PDPK1: variants seen among roughly 807,000 people sequenced by gnomAD.
The protein encoded by PDPK1 is 3-phosphoinositide-dependent protein kinase 1.
PDPK1 carries 7 observed loss-of-function variants against 39.8 expected under a neutral mutation model. That is an observed-to-expected ratio of 0.18 (90% confidence interval 0.10 to 0.33). PDPK1 has a LOEUF of 0.33. Ranked by LOEUF, PDPK1 falls within the 10% of genes least tolerant of loss-of-function variation. The probability of loss-of-function intolerance (pLI) is 1.00; values close to 1 mark genes in which losing one functional copy is unlikely to be tolerated. For missense variants in PDPK1, 182 were observed against 384.7 expected (o/e 0.47, Z 4.41); for synonymous variants, 118 against 159.1 (o/e 0.74, Z 1.95).
In PDPK1 at chr16:2,545,837, G is replaced by A. The variant is rs1225318694; in HGVS notation, c.24+7701G>A. Among the ~76,000 whole-genome samples the A allele has an allele frequency of 1.1e-4, 17 of 152,204 alleles. No homozygotes were observed. The East Asian group carries it at 2.7e-3, about 24-fold the overall frequency. On this transcript the variant is annotated intron_variant, in intron 1 of 13. Coordinates refer to ENST00000342085, the MANE Select transcript of PDPK1 (RefSeq NM_002613.5). ...AAATTTTTTGTACAGATGGGGTCTCGCTTTGTTGCCCAGGCTGGTCTTGGA... is the reference window on the plus strand; with the variant it reads ...AAATTTTTTGTACAGATGGGGTCTCACTTTGTTGCCCAGGCTGGTCTTGGA...
chr16:2,597,336 G>T lies in PDPK1; in HGVS notation c.1554+61G>T. The T allele has an allele frequency of 7.0e-7, 1 of 1,435,602 alleles. No individual in the cohort carries two copies. The highest frequency in any genetic ancestry group is 9.5e-7 in the Non-Finnish European group (1 of 1,049,770). The allele number at this position is 1,435,602 out of a possible 1,614,324, so 88.9% of individuals were successfully genotyped here. On this transcript the variant is annotated intron_variant, in intron 13 of 13. Coordinates refer to ENST00000342085, the MANE Select transcript of PDPK1 (RefSeq NM_002613.5). This position sits in a 1 kb window ranked among gnomAD's most constrained non-coding sequence, Gnocchi z 6.3. ...AATGGGAGGGCTTTGCACCACGTGG[G>T]AAGCAGCCACAGGCCTTGGCCAGAG...
At chr16:2,546,347 G>T (rs1009094775) in intron 1 of PDPK1, among the ~76,000 whole-genome samples, 1 of 140,260 alleles carries the variant, frequency 7.1e-6, no homozygotes, top group African/African-American at 2.7e-5. Flanking sequence ...CTCCCAAAGT[G>T]CTTTGAGACA....
rs772526478 is a variant in PDPK1 at position 2,597,614 on chromosome 16, C to T, written c.1555-37C>T. The T allele has an allele frequency of 8.2e-6, 12 of 1,461,708 alleles. No homozygotes were observed. Among genetic ancestry groups the T allele is most frequent in the Middle Eastern group, 1.8e-4 (1 of 5,574 alleles). The allele number at this position is 1,461,708 out of a possible 1,614,324, so 90.5% of individuals were successfully genotyped here. A position where few individuals can be genotyped will look rare whatever the true frequency, so the allele number is the denominator to read the frequency against. ...GGTTGGGGTGGGGGTTTTGGTGGGA[C>T]TCCCTGGAGAACACTAAACGGCTTC... On this transcript the variant is annotated intron_variant, in intron 13 of 13. Transcript: ENST00000342085. The surrounding 1 kb of genome is among the most constrained non-coding windows in gnomAD (Gnocchi z 6.3).
At chr16:2,539,435 G>T in intron 1 of PDPK1, 1 of 152,256 alleles carries the variant, frequency 6.6e-6, no homozygotes, top group Non-Finnish European at 1.5e-5. Context: ...CGGGGAGTGG[G>T]GGGTTGTGAG....
intron 1 of PDPK1, among the ~76,000 whole-genome samples, chr16:2,547,319 G>A (rs1638722827): frequency 7.2e-6 from 1 of 138,652 alleles, no homozygotes; most frequent in Admixed American, 6.9e-5. Context: ...CAGGCTGAGG[G>A]AGTACACAGC....
At chr16:2,584,854 T>C (rs2066831175) in intron 10 of PDPK1, among the ~76,000 whole-genome samples, 1 of 152,208 alleles carries the variant, frequency 6.6e-6, no homozygotes, top group South Asian at 2.1e-4. Flanking sequence ...GCAGCTTTCA[T>C]GTATGCAGAG....
chr16:2,557,086 C>G (rs905988363), intron 1 of PDPK1: 1 of 129,236 alleles, frequency 7.7e-6, no homozygotes, highest in Middle Eastern at 3.5e-3. Context: ...TGTGGGTGCA[C>G]CTTGCACGTC....
In PDPK1 at chr16:2,593,613, T is replaced by TG; in HGVS notation, c.1344-2176dup. 1.2e-5 allele frequency: 2 copies of TG among 161,602 alleles called. No homozygotes were observed. The highest frequency in any genetic ancestry group is 4.8e-5 in the African/African-American group (2 of 41,562). The allele number at this position is 161,602 out of a possible 1,614,324, so 10.0% of individuals were successfully genotyped here. A position where few individuals can be genotyped will look rare whatever the true frequency, so the allele number is the denominator to read the frequency against. On this transcript the variant is annotated intron_variant, in intron 11 of 13. Transcript: ENST00000342085. This position sits in a 1 kb window ranked among gnomAD's most constrained non-coding sequence, Gnocchi z 4.2. ...GCTGGCGTGTGGTGAAAGCTGAGGATGGGGAGAGGCCGTGGGGCCCTCTCC... is the reference window on the plus strand; with the variant it reads ...GCTGGCGTGTGGTGAAAGCTGAGGATGGGGGAGAGGCCGTGGGGCCCTCTCC...
chr16:2,547,106 G>A (rs1424340390), intron 1 of PDPK1, among the ~76,000 whole-genome samples: 5 of 149,642 alleles, frequency 3.3e-5, no homozygotes, highest in Non-Finnish European at 7.4e-5. Flanking sequence ...GCTCAGCCCT[G>A]TTCTTGGGAA....
In PDPK1 at chr16:2,544,820, G is replaced by A. The variant is rs1250602059; in HGVS notation, c.24+6684G>A. The stretch of plus-strand genomic sequence containing the variant: ...AGGATGGAATTGATCTCCTGACCTC[G>A]TGATCCGCCCACCTCGGCCTCCCAA... On this transcript the variant is annotated intron_variant, in intron 1 of 13. Transcript: ENST00000342085. Among the ~76,000 whole-genome samples, 8 of 152,072 alleles carry A rather than the reference G, an allele frequency of 5.3e-5. No individual in the cohort carries two copies. The South Asian group carries it at 1.0e-3, about 20-fold the overall frequency.
intron 1 of PDPK1, among the ~76,000 whole-genome samples, chr16:2,552,051 G>T (rs532095018): frequency 2.6e-5 from 4 of 151,238 alleles, no homozygotes; most frequent in Non-Finnish European, 5.9e-5. Flanking sequence ...CCAGGCTAGT[G>T]TTGAACTCCT....
chr16:2,540,565 GC>G (rs2066226537), intron 1 of PDPK1, among the ~76,000 whole-genome samples: 2 of 152,156 alleles, frequency 1.3e-5, no homozygotes, highest in South Asian at 4.1e-4. Context: ...CAGTGCCACT[GC>G]CCAGGATGTC....
At position 2,597,098 on chromosome 16, in the gene PDPK1, CTGT is replaced by C. The variant is rs765324347; in HGVS notation, c.1402-20_1402-18del. The C allele has an allele frequency of 4.6e-6, 7 of 1,537,168 alleles. No homozygotes were observed. The highest frequency in any genetic ancestry group is 6.2e-6 in the Non-Finnish European group (7 of 1,134,656). Reference sequence around the variant, plus strand: ...TGCCGTCAGCACTGGCCTCTGAGGCCTGTTGTTTTGTGTTTTGGCGTCAGGGTT... The same window carrying C: ...TGCCGTCAGCACTGGCCTCTGAGGCCTGTTTTGTGTTTTGGCGTCAGGGTT... On this transcript the variant is annotated intron_variant, in intron 12 of 13. Coordinates refer to ENST00000342085, the MANE Select transcript of PDPK1 (RefSeq NM_002613.5). This position sits in a 1 kb window ranked among gnomAD's most constrained non-coding sequence, Gnocchi z 6.3.
rs144753105 is a variant in PDPK1 at position 2,601,223 on chromosome 16, A to G, written c.*3456A>G. ...TGATGTGTAGACGCTCACTTCCAGT[A>G]GCAGAACCACCTTAGTTGTGTCTTA... On this transcript the variant is annotated 3_prime_UTR_variant, in exon 14 of 14. Coordinates refer to ENST00000342085, the MANE Select transcript of PDPK1 (RefSeq NM_002613.5). 0.016 allele frequency: 3,832 copies of G among 233,862 alleles called. 144 individuals carry two copies. The highest frequency in any genetic ancestry group is 0.075 in the African/African-American group (3,395 of 45,180). 14.5% of individuals were successfully genotyped at this position (233,862 alleles called of 1,614,324 possible). A position where few individuals can be genotyped will look rare whatever the true frequency, so the allele number is the denominator to read the frequency against.
In PDPK1 at chr16:2,601,190, T is replaced by G. The variant is rs1276534011; in HGVS notation, c.*3423T>G. 4.3e-6 allele frequency: 1 copy of G among 233,592 alleles called. No homozygotes were observed. Among genetic ancestry groups the G allele is most frequent in the Non-Finnish European group, 8.5e-6 (1 of 117,930 alleles). The allele number at this position is 233,592 out of a possible 1,614,324, so 14.5% of individuals were successfully genotyped here. ...CATTTTGAAGATATTTCTGTCTCTC[T>G]CTCGACCTGATGTGTAGACGCTCAC... On this transcript the variant is annotated 3_prime_UTR_variant, in exon 14 of 14. Transcript: ENST00000342085.
At chr16:2,539,043 G>A (rs1447170517) in intron 1 of PDPK1, 6 of 203,792 alleles carry the variant, frequency 2.9e-5, no homozygotes, top group African/African-American at 4.9e-5. Flanking sequence ...GAAAACCCAA[G>A]AAATTTAATT....
chr16:2,563,142 CAGG>C (rs1210524405), intron 4 of PDPK1: 1 of 109,880 alleles, frequency 9.1e-6, no homozygotes, highest in African/African-American at 3.3e-5. Context: ...AGCAGAGCTC[CAGG>C]AGGAGTCAGG....
chr16:2,553,239 G>A (rs1413084420), intron 1 of PDPK1, among the ~76,000 whole-genome samples: 6 of 134,238 alleles, frequency 4.5e-5, no homozygotes, highest in Non-Finnish European at 7.7e-5. Context: ...ACAGGGTCTC[G>A]GTGATAGTTC....
intron 11 of PDPK1, among the ~76,000 whole-genome samples, chr16:2,592,350 TC>T (rs35188082): frequency 6.6e-6 from 1 of 152,048 alleles, no homozygotes; most frequent in Non-Finnish European, 1.5e-5. Context: ...CTCGGGAAAG[TC>T]CCGTGTGCAT....
Sources: gnomAD v4.1 joint callset for allele counts (sites outside exome capture counted in the v4.1 genomes callset) on GRCh38, gnomAD v4.1.1 for gene constraint, Gnocchi (gnomAD v3.1) non-coding constraint, MANE v1.5 for transcripts, NCBI Gene and HGNC (gene_info 2026-07-23, HGNC 2026-07-21) for gene names.